The following THADA variants were observed in gnomAD, a reference collection of about 807,000 sequenced individuals.
THADA encodes THADA armadillo repeat containing, also known as tRNA (32-2'-O)-methyltransferase regulator THADA.
A neutral mutation model predicts 219.8 loss-of-function variants in THADA; 213 were observed. That is an observed-to-expected ratio of 0.97 (90% confidence interval 0.87 to 1.09). The LOEUF is 1.09. THADA is among the 50% of genes least tolerant of loss of function. The pLI is 0.00. For missense variants in THADA, 2,956 were observed against 2,311.3 expected (o/e 1.28, Z -5.72); for synonymous variants, 1,018 against 828.9 (o/e 1.23, Z -3.92).
chr2:43,373,697 G>A lies in THADA; in HGVS notation c.4227+24274C>T, dbSNP rs570897812. On this transcript the variant is annotated intron_variant, in intron 29 of 37. Transcript: ENST00000405975. ...TCACCATGTTGGCCAGGCTGGTCTC[G>A]AACTCCTTGGCCTCATGTGATCTGT... 7.9e-5 allele frequency among the ~76,000 whole-genome samples: 12 copies of A among 152,136 alleles called. No individual in the cohort carries two copies. The South Asian group carries it at 2.3e-3, about 29-fold the overall frequency.
intron 17 of THADA, 95 bp from the exon 18 acceptor site, chr2:43,552,434 C>G: frequency 7.7e-7 from 1 of 1,301,976 alleles, no homozygotes. Context: ...ATGGCCAACT[C>G]AAATGAACTT....
At chr2:43,259,062 A>G (rs1467877702) in intron 36 of THADA, among the ~76,000 whole-genome samples, 1 of 152,210 alleles carries the variant, frequency 6.6e-6, no homozygotes, top group African/African-American at 2.4e-5. Flanking sequence ...ATGGTGTTAA[A>G]AAAAATCTTA....
Position 43,551,832 on chromosome 2 carries a change from C to T in THADA, c.2904G>A (p.Gln968=), listed in dbSNP as rs781034188. The T allele has an allele frequency of 1.9e-6, 3 of 1,613,670 alleles. No individual in the cohort carries two copies. The African/African-American group carries it at 4.0e-5, about 22-fold the overall frequency. ...GGATGAGGCCTTCAGGGGATGAGCT[C>T]TGAATGACTGGAGACACCACAGTGG... ...RLSTVVSPVI[Q]SSSPEGLIPM... Residue 968 remains glutamine, a synonymous_variant, in exon 19 of 38, where the codon CAG becomes CAA. Transcript: ENST00000405975.
At chr2:43,481,135 C>T (rs945703108) in intron 26 of THADA, among the ~76,000 whole-genome samples, 3 of 152,208 alleles carry the variant, frequency 2.0e-5, no homozygotes, top group Admixed American at 2.0e-4. Context: ...GCTTCAAAAT[C>T]TCTCTATAAG....
chr2:43,548,828 G>C (rs1696393551), intron 20 of THADA, among the ~76,000 whole-genome samples: 1 of 152,226 alleles, frequency 6.6e-6, no homozygotes. Context: ...TCCCAAGTGA[G>C]GCAATGCCTC....
intron 23 of THADA, among the ~76,000 whole-genome samples, chr2:43,506,480 T>C (rs1027967799): frequency 1.3e-5 from 2 of 152,144 alleles, no homozygotes; most frequent in African/African-American, 4.8e-5. Flanking sequence ...ACACAAAAGA[T>C]CGTATACTGT....
intron 29 of THADA, among the ~76,000 whole-genome samples, chr2:43,373,930 T>C (rs1013966653): frequency 6.6e-6 from 1 of 152,250 alleles, no homozygotes. Context: ...ATGTTCATTT[T>C]ATATTTGCCT....
At chr2:43,270,621 C>G (rs1672013233) in intron 36 of THADA, among the ~76,000 whole-genome samples, 1 of 152,200 alleles carries the variant, frequency 6.6e-6, no homozygotes, top group Non-Finnish European at 1.5e-5. Context: ...AGCTCCAACT[C>G]TGGCTCTGAC....
chr2:43,556,636 G>T, intron 16 of THADA, 81 bp from the exon 17 acceptor site: 1 of 1,344,646 alleles, frequency 7.4e-7, no homozygotes, highest in Non-Finnish European at 1.0e-6. Context: ...TTAAAACACA[G>T]CCTGGAGCTG....
intron 26 of THADA, among the ~76,000 whole-genome samples, chr2:43,476,430 AT>A (rs1240739743): frequency 1.3e-5 from 2 of 152,300 alleles, no homozygotes; most frequent in East Asian, 3.9e-4. Flanking sequence ...GTCTCTGATG[AT>A]GTTTTCAACC....
chr2:43,572,547 G>C (rs915861003), intron 12 of THADA, among the ~76,000 whole-genome samples: 1 of 152,142 alleles, frequency 6.6e-6, no homozygotes, highest in Non-Finnish European at 1.5e-5. Flanking sequence ...ATGTATTTAA[G>C]GGCACATGAT....
At chr2:43,465,566 T>A (rs551595234) in intron 26 of THADA, among the ~76,000 whole-genome samples, 64 of 152,270 alleles carry the variant, frequency 4.2e-4, no homozygotes, top group Admixed American at 1.2e-3. Flanking sequence ...TACTCACAGA[T>A]CTTGAAAAGA....
chr2:43,508,927 T>A, intron 22 of THADA, 147 bp from the exon 23 acceptor site: 1 of 721,664 alleles, frequency 1.4e-6, no homozygotes, highest in Admixed American at 3.1e-5. Context: ...ACTTTTCACC[T>A]ACTTTCCTCT....
In THADA at chr2:43,590,541, T is replaced by C. The variant is rs192609958; in HGVS notation, c.302+283A>G. 3.4e-5 allele frequency among the ~76,000 whole-genome samples: 5 copies of C among 147,382 alleles called. No individual in the cohort carries two copies. The East Asian group carries it at 1.0e-3, about 30-fold the overall frequency. On this transcript the variant is annotated intron_variant, in intron 4 of 37. Transcript: ENST00000405975. Reference sequence around the variant, plus strand: ...AACACAAAAAATTAGCCGGGTGTGGTGGCTGAGGCAGGAGAATGGCGTGAA... The same window carrying C: ...AACACAAAAAATTAGCCGGGTGTGGCGGCTGAGGCAGGAGAATGGCGTGAA...
At chr2:43,467,431 A>G (rs17039133) in intron 26 of THADA, among the ~76,000 whole-genome samples, 17,075 of 152,204 alleles carry the variant, frequency 0.11, 1,099 homozygotes, top group African/African-American at 0.17. Context: ...AGGACATAGT[A>G]TGTAAAAGCC....
At chr2:43,589,549 T>C (rs985817215) in intron 4 of THADA, among the ~76,000 whole-genome samples, 2 of 152,176 alleles carry the variant, frequency 1.3e-5, no homozygotes, top group African/African-American at 4.8e-5. Flanking sequence ...ATGAATACAC[T>C]TAACAATAGC....
intron 36 of THADA, among the ~76,000 whole-genome samples, chr2:43,252,095 C>T (rs1484517127): frequency 6.6e-6 from 1 of 152,186 alleles, no homozygotes; most frequent in Non-Finnish European, 1.5e-5. Context: ...AACCATCTCC[C>T]CATTCTTGCT....
chr2:43,359,967 A>T (rs890360948), intron 29 of THADA, among the ~76,000 whole-genome samples: 10 of 151,812 alleles, frequency 6.6e-5, no homozygotes, highest in Non-Finnish European at 1.3e-4. Context: ...ATATTCCAAG[A>T]TAATGAGATG....
chr2:43,589,232 T>A (rs113182147), intron 4 of THADA, among the ~76,000 whole-genome samples: 2 of 152,124 alleles, frequency 1.3e-5, no homozygotes, highest in African/African-American at 4.8e-5. Context: ...CAAATGTCCA[T>A]TGAAAGATGC....
Sources: gnomAD v4.1 joint callset for allele counts (sites outside exome capture counted in the v4.1 genomes callset) on GRCh38, gnomAD v4.1.1 for gene constraint, MANE v1.5 for transcripts, NCBI Gene and HGNC (gene_info 2026-07-23, HGNC 2026-07-21) for gene names.